OR52N4: variants seen among roughly 807,000 people sequenced by gnomAD.
OR52N4 encodes the protein olfactory receptor 52N4.
In OR52N4, 15 loss-of-function variants were observed where a neutral mutation model predicts 15.0. The ratio of observed to expected loss-of-function variants is 1.00; its 90% CI spans 0.67 to 1.54. OR52N4 has a LOEUF of 1.54. Among genes scored for constraint, OR52N4 ranks in the 40% most tolerant of loss-of-function variants. The probability of loss-of-function intolerance (pLI) is 0.00; values close to 1 mark genes in which losing one functional copy is unlikely to be tolerated. For missense variants in OR52N4, 421 were observed against 394.0 expected (o/e 1.07, Z -0.58); for synonymous variants, 143 against 143.7 (o/e 1.00, Z 0.03).
rs778040330 is a variant in OR52N4 at position 5,754,699 on chromosome 11, C to G, written c.-42C>G. ...TTTTTTTTTTTAACTCTAGGAAAGC[C>G]CAGACAAATTTTGAGCTATTTCATA... On this transcript the variant is annotated 5_prime_UTR_variant, in exon 2 of 2. Transcript: ENST00000641350. 1 of 1,534,152 alleles carries G rather than the reference C, an allele frequency of 6.5e-7. No individual in the cohort carries two copies. Among genetic ancestry groups the G allele is most frequent in the South Asian group, 1.3e-5 (1 of 76,950 alleles).
the OR52N4 span, chr11:5,737,544 A>G: frequency 7.9e-6 from 12 of 1,513,750 alleles, no homozygotes; most frequent in South Asian, 1.4e-4. Context: ...CTGGATAGTA[A>G]AATTTCAAAG....
At position 5,755,110 on chromosome 11, in the gene OR52N4, C is replaced by T. The variant is rs776548473; in HGVS notation, c.370C>T (p.Arg124Cys). 6 of 1,613,910 alleles carry T rather than the reference C, an allele frequency of 3.7e-6. No homozygotes were observed. In the Admixed American group the frequency reaches 5.0e-5, roughly 13 times the overall value. The part of the protein sequence containing the change: ...SGVLMLMALD[R>C]YVAICYPLRY... ...GGTGCTTATGCTTATGGCCCTGGAT[C>T]GCTATGTGGCCATCTGCTACCCCTT... The change falls in exon 2 of 2, where the codon CGC becomes TGC. Residue 124 changes from arginine to cysteine, a missense_variant. Physicochemically the swap from Arg to Cys is radical, Grantham distance 180. Transcript: ENST00000641350.
the OR52N4 span, among the ~76,000 whole-genome samples, chr11:5,743,169 T>C: frequency 8.6e-6 from 1 of 115,954 alleles, no homozygotes; most frequent in Non-Finnish European, 1.9e-5. Context: ...TGTTAATCAA[T>C]TCAAGAATAC....
chr11:5,751,785 T>C (rs1252915463), upstream of OR52N4, among the ~76,000 whole-genome samples: 3 of 152,164 alleles, frequency 2.0e-5, no homozygotes, highest in Non-Finnish European at 4.4e-5. Context: ...AATTCCTAAA[T>C]ATAAGTTGAT....
chr11:5,738,683 C>T, the OR52N4 span, among the ~76,000 whole-genome samples: 3 of 152,136 alleles, frequency 2.0e-5, no homozygotes, highest in African/African-American at 7.2e-5. Context: ...TTCAGATGAT[C>T]AGATATAAAG....
the OR52N4 span, chr11:5,737,666 CA>C: frequency 1.9e-6 from 1 of 532,586 alleles, no homozygotes. Context: ...AAAATATTGA[CA>C]AAAGCTAAAT....
At chr11:5,748,589 T>C in the OR52N4 span, among the ~76,000 whole-genome samples, 1 of 151,904 alleles carries the variant, frequency 6.6e-6, no homozygotes, top group Non-Finnish European at 1.5e-5. Context: ...AATAAACTTT[T>C]TGAACCAGGG....
the OR52N4 span, among the ~76,000 whole-genome samples, chr11:5,745,858 C>T: frequency 9.2e-5 from 14 of 152,092 alleles, no homozygotes; most frequent in Admixed American, 7.9e-4. Flanking sequence ...ACTTCAACTA[C>T]AATGCTATAG....
chr11:5,737,418 C>A, the OR52N4 span: 1 of 1,613,882 alleles, frequency 6.2e-7, no homozygotes, highest in Admixed American at 1.7e-5. Flanking sequence ...ACAGTTTATG[C>A]ACTTCAGACC....
the OR52N4 span, among the ~76,000 whole-genome samples, chr11:5,728,020 T>C: frequency 6.6e-6 from 1 of 152,244 alleles, no homozygotes; most frequent in Non-Finnish European, 1.5e-5. Context: ...AACAAAGCTG[T>C]GAAAACTAGA....
the OR52N4 span, among the ~76,000 whole-genome samples, chr11:5,728,504 C>T: frequency 6.6e-6 from 1 of 152,232 alleles, no homozygotes; most frequent in East Asian, 1.9e-4. Flanking sequence ...TTATCAAACA[C>T]ATTCTCTTAA....
chr11:5,736,757 G>C, the OR52N4 span: 1 of 1,613,978 alleles, frequency 6.2e-7, no homozygotes, highest in South Asian at 1.1e-5. Flanking sequence ...GGTAGACATG[G>C]GTCTGGCCAC....
At chr11:5,753,923 G>C (rs149383051), upstream of OR52N4, among the ~76,000 whole-genome samples, 1 of 150,408 alleles carries the variant, frequency 6.6e-6, no homozygotes, top group East Asian at 2.0e-4. Context: ...AATCCGGGAG[G>C]TGGAGGTTGC....
the OR52N4 span, chr11:5,736,753 C>T: frequency 2.5e-6 from 4 of 1,613,936 alleles, no homozygotes; most frequent in Non-Finnish European, 3.4e-6. Context: ...GTATGGTAGA[C>T]ATGGGTCTGG....
chr11:5,747,528 A>C, the OR52N4 span, among the ~76,000 whole-genome samples: 15 of 151,866 alleles, frequency 9.9e-5, no homozygotes, highest in Admixed American at 7.9e-4. Flanking sequence ...ATATATATGT[A>C]TATATATATT....
At chr11:5,753,602 T>A (rs758790410), upstream of OR52N4, among the ~76,000 whole-genome samples, 1 of 152,182 alleles carries the variant, frequency 6.6e-6, no homozygotes. Flanking sequence ...CAAAACTTCA[T>A]TGACTTTTTT....
At chr11:5,732,916 T>G in the OR52N4 span, among the ~76,000 whole-genome samples, 5 of 152,178 alleles carry the variant, frequency 3.3e-5, no homozygotes, top group African/African-American at 1.2e-4. Flanking sequence ...CAGTCATCCT[T>G]AGGTACATGA....
At chr11:5,736,500 G>C in the OR52N4 span, 1 of 1,609,852 alleles carries the variant, frequency 6.2e-7, no homozygotes, top group Non-Finnish European at 8.5e-7. Context: ...ATAGAGATTT[G>C]AAATTCATGT....
At position 5,755,624 on chromosome 11, in the gene OR52N4, A is replaced by G. The variant is rs368900616; in HGVS notation, c.884A>G (p.Tyr295Cys). 1 of 1,613,670 alleles carries G rather than the reference A, an allele frequency of 6.2e-7. No homozygotes were observed. Among genetic ancestry groups the G allele is most frequent in the African/African-American group, 1.3e-5 (1 of 74,900 alleles). Residue 295 changes from tyrosine (Y) to cysteine (C), a missense_variant, in exon 2 of 2, where the codon TAT becomes TGT. Tyr to Cys is a radical substitution (Grantham distance 194). Transcript: ENST00000641350. Reference sequence around the variant, plus strand: ...CCACCCACTATGAACCCTATTGTCTATGGGGTGAAAACCAAACAGATACGA... The same window carrying G: ...CCACCCACTATGAACCCTATTGTCTGTGGGGTGAAAACCAAACAGATACGA... ...LLPPTMNPIV[Y>C]GVKTKQIRDC...
Sources: allele counts gnomAD v4.1 joint callset (sites outside exome capture counted in the v4.1 genomes callset), GRCh38; gene constraint gnomAD v4.1.1; transcripts MANE v1.5; gene names NCBI Gene and HGNC (gene_info 2026-07-23, HGNC 2026-07-21).